The following ATF7IP2 variants were observed in gnomAD, a reference collection of about 807,000 sequenced individuals.
ATF7IP2 encodes activating transcription factor 7-interacting protein 2.
A neutral mutation model predicts 64.2 loss-of-function variants in ATF7IP2; 42 were observed. The observed-to-expected ratio is 0.65, with a 90% CI of 0.51 to 0.85. The LOEUF is 0.85. ATF7IP2 is among the 40% of genes least tolerant of loss of function. The probability of loss-of-function intolerance (pLI) is 0.00; values close to 1 mark genes in which losing one functional copy is unlikely to be tolerated. For synonymous variants in ATF7IP2, 308 were observed against 272.8 expected (o/e 1.13, Z -1.27); for missense variants, 933 against 784.2 (o/e 1.19, Z -2.27).
rs1001188498 is a variant in ATF7IP2 at position 10,482,282 on chromosome 16, T to A, written c.*33T>A. ...TTAATAATGATATACTACTTTTTTT[T>A]TCATATTTGTTTGTTTGCAATGTTA... On this transcript the variant is annotated 3_prime_UTR_variant, in exon 14 of 14. Coordinates refer to ENST00000562102, the MANE Select transcript of ATF7IP2 (RefSeq NM_001393719.1). 7 of 1,458,250 alleles carry A rather than the reference T, an allele frequency of 4.8e-6. No individual in the cohort carries two copies. In the Admixed American group the frequency reaches 1.1e-4, roughly 23 times the overall value. The allele number at this position is 1,458,250 out of a possible 1,614,324, so 90.3% of individuals were successfully genotyped here. A position where few individuals can be genotyped will look rare whatever the true frequency, so the allele number is the denominator to read the frequency against.
chr16:10,413,337 A>G (rs891557010), intron 1 of ATF7IP2, among the ~76,000 whole-genome samples: 13 of 152,152 alleles, frequency 8.5e-5, no homozygotes, highest in African/African-American at 3.1e-4. Context: ...TGATGGGTTT[A>G]TCAGGGGTTT....
chr16:10,443,270 G>A (rs1270388455), intron 8 of ATF7IP2, among the ~76,000 whole-genome samples: 1 of 152,162 alleles, frequency 6.6e-6, no homozygotes, highest in African/African-American at 2.4e-5. Context: ...TGTCATGAGA[G>A]ACACAAAGTA....
chr16:10,452,000 C>T (rs761427064), intron 8 of ATF7IP2, among the ~76,000 whole-genome samples: 2 of 152,058 alleles, frequency 1.3e-5, no homozygotes, highest in South Asian at 2.1e-4. Context: ...TGCAGTGAGT[C>T]GAGATCGCTC....
intron 12 of ATF7IP2, among the ~76,000 whole-genome samples, chr16:10,474,897 T>G (rs1371531528): frequency 6.6e-6 from 1 of 152,190 alleles, no homozygotes; most frequent in Non-Finnish European, 1.5e-5. Context: ...AACCTGTAAT[T>G]CTTTATCTAG....
At chr16:10,415,369 C>T (rs183913142) in intron 2 of ATF7IP2, among the ~76,000 whole-genome samples, 2 of 152,304 alleles carry the variant, frequency 1.3e-5, no homozygotes, top group African/African-American at 4.8e-5. Flanking sequence ...CAAGAACAAA[C>T]ATTTGCGAGA....
intron 1 of ATF7IP2, among the ~76,000 whole-genome samples, chr16:10,396,257 A>G (rs139919172): frequency 7.9e-5 from 12 of 152,140 alleles, no homozygotes; most frequent in African/African-American, 2.6e-4. Context: ...TAGCCAGAGG[A>G]CTCATATATT....
intron 4 of ATF7IP2, among the ~76,000 whole-genome samples, chr16:10,429,488 T>TA (rs1388598482): frequency 6.6e-6 from 1 of 152,154 alleles, no homozygotes; most frequent in African/African-American, 2.4e-5. Context: ...AAGCTGGGAT[T>TA]ACAGGCATGT....
chr16:10,407,235 A>G (rs757710654), intron 1 of ATF7IP2, among the ~76,000 whole-genome samples: 2 of 152,226 alleles, frequency 1.3e-5, no homozygotes, highest in African/African-American at 2.4e-5. Context: ...TCAACGTAAT[A>G]AAAGCCGTAT....
At chr16:10,481,020 G>C (rs2142114206) in intron 13 of ATF7IP2, 56 bp downstream of exon 13, 1 of 1,290,062 alleles carries the variant, frequency 7.8e-7, no homozygotes, top group African/African-American at 1.5e-5. Context: ...GTGGGAAGTA[G>C]CTATGTTACT....
At chr16:10,387,859 C>T (rs1487524077) in intron 1 of ATF7IP2, 1 of 132,764 alleles carries the variant, frequency 7.5e-6, no homozygotes, top group Non-Finnish European at 1.6e-5. Context: ...GACACACACA[C>T]ACTGCGGTGA....
intron 8 of ATF7IP2, among the ~76,000 whole-genome samples, chr16:10,452,683 G>A (rs2049024783): frequency 6.6e-6 from 1 of 152,194 alleles, no homozygotes; most frequent in Non-Finnish European, 1.5e-5. Context: ...TGTCCGGCAG[G>A]GACATTTAAG....
intron 8 of ATF7IP2, chr16:10,448,772 CCT>C (rs2048893175): frequency 6.6e-6 from 1 of 152,144 alleles, no homozygotes. Context: ...AATTTGACTT[CCT>C]CTCTTCTTAT....
At chr16:10,432,818 C>G (rs768765818) in intron 5 of ATF7IP2, among the ~76,000 whole-genome samples, 22 of 152,114 alleles carry the variant, frequency 1.4e-4, no homozygotes, top group Non-Finnish European at 2.4e-4. Context: ...GCGGAAGTTG[C>G]ACTGAGCCAA....
intron 4 of ATF7IP2, among the ~76,000 whole-genome samples, chr16:10,429,734 AT>A (rs1235044654): frequency 9.8e-6 from 1 of 101,900 alleles, no homozygotes; most frequent in Admixed American, 9.3e-5. Context: ...TATTTTATTT[AT>A]TTTATTTTAT....
At chr16:10,427,613 T>C (rs1005425671) in intron 3 of ATF7IP2, among the ~76,000 whole-genome samples, 3 of 152,148 alleles carry the variant, frequency 2.0e-5, no homozygotes, top group African/African-American at 7.2e-5. Flanking sequence ...CCCAGCACTT[T>C]GGGAGGCTAA....
chr16:10,437,022 A>C (rs963559594), intron 6 of ATF7IP2, among the ~76,000 whole-genome samples: 26 of 141,080 alleles, frequency 1.8e-4, no homozygotes, highest in African/African-American at 6.8e-4. Flanking sequence ...TATTTTTCCC[A>C]TTTTTTTTTT....
chr16:10,422,232 T>G (rs2048000723), intron 3 of ATF7IP2, among the ~76,000 whole-genome samples: 1 of 152,214 alleles, frequency 6.6e-6, no homozygotes, highest in Admixed American at 6.5e-5. Flanking sequence ...TTAACCATTT[T>G]AAAGGTATAG....
rs183599175 is a variant in ATF7IP2, at chr16:10,482,945, C to G, written c.*696C>G. ...GTCAGGCTGGTCTCAAACTCCTGAC[C>G]TCAGGGGATCCACCCGCCTCGGCCT... On this transcript the variant is annotated 3_prime_UTR_variant, in exon 14 of 14. Coordinates refer to ENST00000562102, the MANE Select transcript of ATF7IP2 (RefSeq NM_001393719.1). 6.6e-6 allele frequency: 1 copy of G among 152,198 alleles called. No homozygotes were observed. Among genetic ancestry groups the G allele is most frequent in the African/African-American group, 2.4e-5 (1 of 41,428 alleles). 9.4% of individuals were successfully genotyped at this position (152,198 alleles called of 1,614,324 possible). A position where few individuals can be genotyped will look rare whatever the true frequency, so the allele number is the denominator to read the frequency against.
chr16:10,397,857 CAAA>C (rs529674439), intron 1 of ATF7IP2, among the ~76,000 whole-genome samples: 5 of 65,104 alleles, frequency 7.7e-5, no homozygotes, highest in Non-Finnish European at 9.5e-5. Flanking sequence ...GACCTCATTT[CAAA>C]AAAAAAAAAA....
Sources: gnomAD v4.1 joint callset for allele counts (sites outside exome capture counted in the v4.1 genomes callset) on GRCh38, gnomAD v4.1.1 for gene constraint, MANE v1.5 for transcripts, NCBI Gene and HGNC (gene_info 2026-07-23, HGNC 2026-07-21) for gene names.